Variants in KAZN observed in about 807,000 individuals in gnomAD.
The protein encoded by KAZN is kazrin.
A neutral mutation model predicts 87.4 loss-of-function variants in KAZN; 40 were observed. The ratio of observed to expected loss-of-function variants is 0.46; its 90% CI spans 0.36 to 0.60. KAZN has a LOEUF of 0.60. Among genes scored for constraint, KAZN ranks in the 20% least tolerant of loss-of-function variants. The pLI, the probability that KAZN is intolerant of heterozygous loss-of-function variation, is 0.00. For synonymous variants in KAZN, 466 were observed against 458.3 expected (o/e 1.02, Z -0.22); for missense variants, 898 against 1,073.9 (o/e 0.84, Z 2.29).
upstream of KAZN, among the ~76,000 whole-genome samples, chr1:14,598,039 C>A (rs1676620147): frequency 6.6e-6 from 1 of 152,326 alleles, no homozygotes; most frequent in South Asian, 2.1e-4. The surrounding 1 kb of genome is among the most constrained non-coding windows in gnomAD (Gnocchi z 4.2). Context: ...ATATTCAGCC[C>A]GGCTAAGAAG....
At chr1:14,394,725 C>T (rs1328420766) in intron 2 of KAZN, among the ~76,000 whole-genome samples, 1 of 152,232 alleles carries the variant, frequency 6.6e-6, no homozygotes. Context: ...GTTTCTCAGT[C>T]CTTACTATAT....
intron 1 of KAZN, among the ~76,000 whole-genome samples, chr1:14,011,755 AACTT>A (rs1181240819): frequency 1.3e-5 from 2 of 152,186 alleles, no homozygotes; most frequent in Non-Finnish European, 2.9e-5. Flanking sequence ...AGCGATAAGG[AACTT>A]ACTTCATAGA....
intron 2 of KAZN, among the ~76,000 whole-genome samples, chr1:14,498,747 G>A (rs1670086360): frequency 6.6e-6 from 1 of 151,900 alleles, no homozygotes; most frequent in Non-Finnish European, 1.5e-5. Flanking sequence ...TGGAGGGTGG[G>A]AAGAGATAGG....
At chr1:13,893,617 A>G (rs775314560) in exon 1 of KAZN, 1 of 1,546,668 alleles carries the variant, frequency 6.5e-7, no homozygotes. Flanking sequence ...TGACACTCCA[A>G]GGGTCTGGAC....
chr1:14,047,601 G>T (rs1642131734), intron 1 of KAZN, among the ~76,000 whole-genome samples: 1 of 152,200 alleles, frequency 6.6e-6, no homozygotes, highest in Non-Finnish European at 1.5e-5. Flanking sequence ...GGGCATGGCG[G>T]CTCAGCCTGT....
chr1:14,333,179 T>C (rs1208161111), intron 2 of KAZN, among the ~76,000 whole-genome samples: 1 of 152,166 alleles, frequency 6.6e-6, no homozygotes, highest in African/African-American at 2.4e-5. Flanking sequence ...GGAAAATGGC[T>C]TCCAGCTTCA....
chr1:14,942,445 C>T (rs935222347), intron 1 of KAZN, among the ~76,000 whole-genome samples: 1 of 152,170 alleles, frequency 6.6e-6, no homozygotes, highest in Non-Finnish European at 1.5e-5. Context: ...ATGAAAGAAA[C>T]GCTTCCGACC....
At chr1:14,394,100 C>T (rs1557687033) in intron 2 of KAZN, among the ~76,000 whole-genome samples, 1 of 152,124 alleles carries the variant, frequency 6.6e-6, no homozygotes, top group Admixed American at 6.5e-5. Flanking sequence ...AAGAAAAGAA[C>T]CTTTTTTATG....
chr1:14,450,234 A>C (rs1280799792), intron 2 of KAZN, among the ~76,000 whole-genome samples: 1 of 152,110 alleles, frequency 6.6e-6, no homozygotes, highest in Non-Finnish European at 1.5e-5. Flanking sequence ...CTGAGCTTCC[A>C]AATGATTTGA....
chr1:14,173,247 G>T (rs1645994887), intron 1 of KAZN, among the ~76,000 whole-genome samples: 1 of 152,188 alleles, frequency 6.6e-6, no homozygotes, highest in Non-Finnish European at 1.5e-5. Context: ...CATCTTTATA[G>T]TAATCAAGAC....
At chr1:14,998,477 C>A (rs1278716875) in intron 2 of KAZN, among the ~76,000 whole-genome samples, 1 of 152,122 alleles carries the variant, frequency 6.6e-6, no homozygotes, top group Non-Finnish European at 1.5e-5. Context: ...AAACACTCTA[C>A]CTGAATTAAC....
At chr1:14,180,937 G>T (rs1356013685) in intron 2 of KAZN, among the ~76,000 whole-genome samples, 1 of 152,084 alleles carries the variant, frequency 6.6e-6, no homozygotes, top group African/African-American at 2.4e-5. Context: ...GCAAATACTT[G>T]TCCCAAACAG....
At chr1:14,525,406 A>T (rs960473360) in intron 2 of KAZN, among the ~76,000 whole-genome samples, 2 of 152,184 alleles carry the variant, frequency 1.3e-5, no homozygotes, top group African/African-American at 4.8e-5. Context: ...TGTTGCAACT[A>T]CTCAGCTGGC....
chr1:14,744,757 G>A (rs183384238), intron 1 of KAZN, among the ~76,000 whole-genome samples: 46 of 152,272 alleles, frequency 3.0e-4, no homozygotes, highest in Admixed American at 1.8e-3. Flanking sequence ...TTAAAAAAGT[G>A]TAACATGCAT....
At chr1:14,097,369 G>C (rs1177828414) in intron 1 of KAZN, among the ~76,000 whole-genome samples, 1 of 152,154 alleles carries the variant, frequency 6.6e-6, no homozygotes, top group Non-Finnish European at 1.5e-5. Context: ...AAGTGAAAAG[G>C]CCATTGGAAA....
chr1:14,233,529 T>C (rs1459670291), intron 2 of KAZN, among the ~76,000 whole-genome samples: 1 of 152,212 alleles, frequency 6.6e-6, no homozygotes, highest in East Asian at 1.9e-4. Flanking sequence ...AAGTGCCTAA[T>C]ACAGGTTAGC....
At chr1:14,502,194 G>A (rs1031043151) in intron 2 of KAZN, among the ~76,000 whole-genome samples, 1 of 151,942 alleles carries the variant, frequency 6.6e-6, no homozygotes, top group African/African-American at 2.4e-5. Context: ...TCGTGGGTCT[G>A]TTCCAGTATG....
chr1:14,827,441 T>G (rs1006170802), intron 1 of KAZN, among the ~76,000 whole-genome samples: 3 of 152,136 alleles, frequency 2.0e-5, no homozygotes, highest in Non-Finnish European at 2.9e-5. Context: ...CCAAAGTCCA[T>G]CATATCATTC....
At chr1:13,897,576 A>G (rs1199378567) in intron 1 of KAZN, among the ~76,000 whole-genome samples, 2 of 152,182 alleles carry the variant, frequency 1.3e-5, no homozygotes, top group African/African-American at 2.4e-5. Flanking sequence ...GCCCAAATCT[A>G]TAGCACCTGT....
Sources: gnomAD v4.1 joint callset for allele counts (sites outside exome capture counted in the v4.1 genomes callset) on GRCh38, gnomAD v4.1.1 for gene constraint, Gnocchi (gnomAD v3.1) non-coding constraint, MANE v1.5 for transcripts, NCBI Gene and HGNC (gene_info 2026-07-23, HGNC 2026-07-21) for gene names.